The following EFHC1 variants were observed in gnomAD, a reference collection of about 807,000 sequenced individuals.
EFHC1 encodes the protein EF-hand domain-containing protein 1.
A neutral mutation model predicts 69.9 loss-of-function variants in EFHC1; 53 were observed. The ratio of observed to expected loss-of-function variants is 0.76; its 90% CI spans 0.61 to 0.95. The LOEUF is 0.95. Among genes scored for constraint, EFHC1 ranks in the 40% least tolerant of loss-of-function variants. The pLI, the probability that EFHC1 is intolerant of heterozygous loss-of-function variation, is 0.00. For missense variants in EFHC1, 739 were observed against 798.7 expected (o/e 0.93, Z 0.90); for synonymous variants, 256 against 278.4 (o/e 0.92, Z 0.80).
intron 10 of EFHC1, among the ~76,000 whole-genome samples, chr6:52,491,592 G>A (rs927998760): frequency 2.6e-5 from 4 of 152,214 alleles, no homozygotes; most frequent in Non-Finnish European, 2.9e-5. Flanking sequence ...GTGGCAGACT[G>A]CCACGGTTAC....
chr6:52,461,600 G>C (rs1228273625), intron 5 of EFHC1, among the ~76,000 whole-genome samples: 1 of 152,014 alleles, frequency 6.6e-6, no homozygotes, highest in Non-Finnish European at 1.5e-5. Context: ...GTGATTGCTG[G>C]GTCGAATGGG....
At chr6:52,487,906 T>A (rs1765819750) in intron 9 of EFHC1, 1 of 152,268 alleles carries the variant, frequency 6.6e-6, no homozygotes. Context: ...AACTTGCAGC[T>A]CTTTTCCAGA....
rs376265750 is a variant in EFHC1 at position 52,479,221 on chromosome 6, G to A, written c.1463G>A (p.Ser488Asn). ...TVDNPVYYGP[S>N]DFFIGAVIEV... ...GACAACCCTGTCTACTATGGCCCCAGTGACTTCTTCATTGGTGCTGTGATT... is the reference window on the plus strand; with the variant it reads ...GACAACCCTGTCTACTATGGCCCCAATGACTTCTTCATTGGTGCTGTGATT... Residue 488 changes from serine (S) to asparagine (N), a missense_variant, in exon 8 of 11, where the codon AGT (serine) becomes AAT (asparagine). By Grantham distance (46) the Ser-to-Asn change is conservative (BLOSUM62 1). Coordinates refer to ENST00000371068, the MANE Select transcript of EFHC1 (RefSeq NM_018100.4). 1.2e-6 allele frequency: 2 copies of A among 1,614,006 alleles called. No homozygotes were observed. The highest frequency in any genetic ancestry group is 2.7e-5 in the African/African-American group (2 of 74,908).
At position 52,479,048 on chromosome 6, in the gene EFHC1, C is replaced by T; in HGVS notation, c.1290C>T (p.Ile430=). ...CTTCACCTTTGTAGGAATCCCCCAT[C>T]CCAGAAGACAAAGACCGCAGATTTG... ...LRYLAVLESP[I]PEDKDRRFVF... is the part of the protein sequence containing the mutation. The change falls in exon 8 of 11, where the codon ATC becomes ATT. Residue 430 remains isoleucine, a synonymous_variant. Transcript: ENST00000371068. 6.2e-7 allele frequency: 1 copy of T among 1,613,734 alleles called. No individual in the cohort carries two copies. Among genetic ancestry groups the T allele is most frequent in the Non-Finnish European group, 8.5e-7 (1 of 1,179,954 alleles).
intron 6 of EFHC1, among the ~76,000 whole-genome samples, chr6:52,465,844 T>G (rs1183105095): frequency 6.8e-6 from 1 of 148,132 alleles, no homozygotes; most frequent in Non-Finnish European, 1.5e-5. Flanking sequence ...ATCTATATAA[T>G]ATATATAATA....
intron 7 of EFHC1, among the ~76,000 whole-genome samples, chr6:52,477,890 T>A (rs1001377664): frequency 2.6e-5 from 4 of 152,302 alleles, no homozygotes; most frequent in Admixed American, 6.5e-5. Context: ...GATCTAGAAC[T>A]GGAAATACCA....
At position 52,424,153 on chromosome 6, in the gene EFHC1, GC is replaced by G; in HGVS notation, c.273del (p.Phe92LeufsTer6). The G allele has an allele frequency of 6.2e-7, 1 of 1,613,902 alleles. No homozygotes were observed. Among genetic ancestry groups the G allele is most frequent in the African/African-American group, 1.3e-5 (1 of 75,024 alleles). On this transcript the variant is annotated frameshift_variant, in exon 2 of 11. Transcript: ENST00000371068. LOFTEE classifies it high-confidence loss of function. ...TGCGGATTTTATTCCTGCGCATGTG[GC>G]CTTTGACAAAAAGGTATCATCTGGA... is the stretch of plus-strand genomic sequence containing the variant. ...PPADFIPAHVAFDKKVLKFDA... is the reference protein window; with the variant it reads ...PPADFIPAHVXFDKKVLKFDA...
chr6:52,469,480 C>G lies in EFHC1; in HGVS notation c.1278+7C>G, dbSNP rs1765387914. On this transcript the variant is annotated splice_region_variant and intron_variant, in intron 7 of 10. Transcript: ENST00000371068. ...TCGTTATTTGGCTGTACTGGTGAGGCTAATTTTTATATACTAAAGATTCTC... is the reference window on the plus strand; with the variant it reads ...TCGTTATTTGGCTGTACTGGTGAGGGTAATTTTTATATACTAAAGATTCTC... 17 of 1,613,518 alleles carry G rather than the reference C, an allele frequency of 1.1e-5. No individual in the cohort carries two copies. The highest frequency in any genetic ancestry group is 1.4e-5 in the Non-Finnish European group (17 of 1,179,820).
chr6:52,470,218 G>C (rs981520558), intron 7 of EFHC1, among the ~76,000 whole-genome samples: 4 of 152,136 alleles, frequency 2.6e-5, no homozygotes, highest in African/African-American at 7.2e-5. Context: ...CTGAATAATA[G>C]ATTTTAGAAA....
At chr6:52,491,086 G>T (rs1022478523) in intron 10 of EFHC1, 5 of 152,222 alleles carry the variant, frequency 3.3e-5, no homozygotes, top group Admixed American at 3.3e-4. Context: ...AAAGGGTTTG[G>T]TTTAGGGCTA....
intron 3 of EFHC1, among the ~76,000 whole-genome samples, chr6:52,444,749 T>G (rs1764742180): frequency 6.6e-6 from 1 of 152,226 alleles, no homozygotes; most frequent in African/African-American, 2.4e-5. Context: ...TCTAAAATTC[T>G]CTTTTTTTGT....
chr6:52,478,424 A>AT (rs1765591772), intron 7 of EFHC1, among the ~76,000 whole-genome samples: 1 of 152,154 alleles, frequency 6.6e-6, no homozygotes, highest in South Asian at 2.1e-4. Context: ...TTAAACTATA[A>AT]TAAAAAAAAA....
intron 9 of EFHC1, chr6:52,483,102 C>T (rs1016173471): frequency 4.6e-5 from 17 of 369,392 alleles, no homozygotes; most frequent in African/African-American, 3.3e-4. Context: ...GTAATTGTCA[C>T]TGATTGTGAT....
chr6:52,478,563 G>A (rs1051175053), intron 7 of EFHC1, among the ~76,000 whole-genome samples: 4 of 151,912 alleles, frequency 2.6e-5, no homozygotes, highest in South Asian at 4.2e-4. Flanking sequence ...CTTAAAAAAC[G>A]AAACCTTGCA....
rs532246160 is a variant in EFHC1 at position 52,420,342 on chromosome 6, A to C, written c.-69A>C. ...ATGGATCCTGGAGGTGCCCGCGAAC[A>C]CTGCTTGTCGCCTGGGCAACCGGAG... On this transcript the variant is annotated 5_prime_UTR_variant, in exon 1 of 11. Transcript: ENST00000371068. 2.4e-5 allele frequency: 39 copies of C among 1,600,256 alleles called. No homozygotes were observed. Among genetic ancestry groups the C allele is most frequent in the Non-Finnish European group, 3.3e-5 (38 of 1,167,454 alleles).
At chr6:52,485,091 A>G (rs1485926655) in intron 9 of EFHC1, 3 of 152,154 alleles carry the variant, frequency 2.0e-5, no homozygotes, top group Non-Finnish European at 2.9e-5. Flanking sequence ...AAAATGCCTC[A>G]GGACTTAAAC....
chr6:52,425,979 C>A (rs1764292461), intron 2 of EFHC1, among the ~76,000 whole-genome samples: 1 of 152,194 alleles, frequency 6.6e-6, no homozygotes, highest in Non-Finnish European at 1.5e-5. Flanking sequence ...TCCAGCATCA[C>A]CTACTATATT....
rs990368802 is a variant in EFHC1 at position 52,495,118 on chromosome 6, T to C, written c.*2777T>C. 4.4e-6 allele frequency: 2 copies of C among 454,084 alleles called. No homozygotes were observed. The highest frequency in any genetic ancestry group is 4.0e-5 in the African/African-American group (2 of 50,126). The allele number at this position is 454,084 out of a possible 1,614,324, so 28.1% of individuals were successfully genotyped here. On this transcript the variant is annotated 3_prime_UTR_variant, in exon 11 of 11. Transcript: ENST00000371068. ...ATGGTCTCCAAGGCTCCTTCTGATCTTCCCAGGAGGCCCTTTCAGGCTGAC... is the reference window on the plus strand; with the variant it reads ...ATGGTCTCCAAGGCTCCTTCTGATCCTCCCAGGAGGCCCTTTCAGGCTGAC...
chr6:52,451,533 G>A (rs1029804983), intron 3 of EFHC1, among the ~76,000 whole-genome samples: 1 of 152,140 alleles, frequency 6.6e-6, no homozygotes, highest in Non-Finnish European at 1.5e-5. Context: ...CCCTTTGTAC[G>A]TGACCTGCCC....
Sources: gnomAD v4.1 joint callset for allele counts (sites outside exome capture counted in the v4.1 genomes callset) on GRCh38, gnomAD v4.1.1 for gene constraint, MANE v1.5 for transcripts, NCBI Gene and HGNC (gene_info 2026-07-23, HGNC 2026-07-21) for gene names.